The following STON1 variants were observed in gnomAD, a reference collection of about 807,000 sequenced individuals.
The protein encoded by STON1 is stonin-1.
A neutral mutation model predicts 60.9 loss-of-function variants in STON1; 79 were observed. The observed-to-expected ratio is 1.30, with a 90% CI of 1.08 to 1.56. The LOEUF (loss-of-function observed/expected upper bound fraction) is 1.56, where lower values mean the gene tolerates loss of function less well. Ranked by LOEUF, STON1 falls within the 40% of genes most tolerant of loss-of-function variation. STON1 has a pLI of 0.00. For missense variants in STON1, 1,166 were observed against 858.9 expected (o/e 1.36, Z -4.47); for synonymous variants, 363 against 306.9 (o/e 1.18, Z -1.91).
chr2:48,553,966 C>T (rs1482296662), intron 1 of STON1, among the ~76,000 whole-genome samples: 4 of 152,238 alleles, frequency 2.6e-5, no homozygotes, highest in Non-Finnish European at 5.9e-5. Flanking sequence ...GTGGGGACTT[C>T]ACCCAAAGGA....
chr2:48,533,933 C>A (rs6724593), intron 1 of STON1, among the ~76,000 whole-genome samples: 2,161 of 151,906 alleles, frequency 0.014, 61 homozygotes, highest in African/African-American at 0.05. Context: ...CCATGCCTGG[C>A]TAATTTTGTA....
At chr2:48,579,916 A>G (rs1172707452) in intron 1 of STON1, among the ~76,000 whole-genome samples, 2 of 151,960 alleles carry the variant, frequency 1.3e-5, no homozygotes. Flanking sequence ...ATAAATATAT[A>G]TATATTTTCA....
In STON1 at chr2:48,553,083, G is replaced by A. The variant is rs754955791; in HGVS notation, c.-48+22867G>A. On this transcript the variant is annotated intron_variant, in intron 1 of 3. Coordinates refer to ENST00000404752, the MANE Select transcript of STON1 (RefSeq NM_006873.4). ...TCTCAGACTCTGACAAGTCAGAAAC[G>A]GAAGCTTCTGGGTCATTTCAGGGGT... 3.3e-5 allele frequency among the ~76,000 whole-genome samples: 5 copies of A among 152,116 alleles called. No individual in the cohort carries two copies. The South Asian group carries it at 6.2e-4, about 19-fold the overall frequency.
chr2:48,532,883 A>G (rs938910302), intron 1 of STON1, among the ~76,000 whole-genome samples: 13 of 152,164 alleles, frequency 8.5e-5, no homozygotes, highest in Non-Finnish European at 1.9e-4. Context: ...ACCAGTGGAG[A>G]GCAAGGAAGG....
chr2:48,573,356 G>A (rs1405069990), intron 1 of STON1, among the ~76,000 whole-genome samples: 2 of 152,198 alleles, frequency 1.3e-5, no homozygotes, highest in South Asian at 4.1e-4. Context: ...AAATATCCCA[G>A]CACTAAAGCC....
chr2:48,573,601 A>G (rs1673328922), intron 1 of STON1, among the ~76,000 whole-genome samples: 1 of 152,348 alleles, frequency 6.6e-6, no homozygotes, highest in East Asian at 1.9e-4. Context: ...CTCTGGTGTC[A>G]TTAGAATAAT....
chr2:48,533,240 G>C (rs111648543), intron 1 of STON1, among the ~76,000 whole-genome samples: 1 of 151,994 alleles, frequency 6.6e-6, no homozygotes. Flanking sequence ...AAATTAGGTG[G>C]GCATGGTGGC....
rs376725798 is a variant in STON1, at chr2:48,581,585, C to G, written c.952C>G (p.Pro318Ala). The G allele has an allele frequency of 1.2e-4, 201 of 1,614,068 alleles. No homozygotes were observed. Among genetic ancestry groups the G allele is most frequent in the Non-Finnish European group, 1.7e-4 (195 of 1,180,044 alleles). Residue 318 changes from proline (P) to alanine (A), a missense_variant, in exon 2 of 4, where the codon CCA (proline) becomes GCA (alanine). Coordinates refer to ENST00000404752, the MANE Select transcript of STON1 (RefSeq NM_006873.4). ...QMYYEQGLEK[P>A]FKEIQLDPYC... ...GTATTATGAACAGGGATTAGAAAAA[C>G]CATTTAAAGAGATACAGCTTGATCC...
intron 1 of STON1, among the ~76,000 whole-genome samples, chr2:48,570,619 T>C (rs1487413988): frequency 6.6e-6 from 1 of 152,172 alleles, no homozygotes; most frequent in East Asian, 1.9e-4. Flanking sequence ...ATCCTTGTTA[T>C]TCCTGGTGTG....
intron 1 of STON1, among the ~76,000 whole-genome samples, chr2:48,570,157 A>T (rs1386801082): frequency 6.6e-6 from 1 of 152,200 alleles, no homozygotes; most frequent in Non-Finnish European, 1.5e-5. Context: ...CAACATGGCG[A>T]AACCCCATCT....
chr2:48,560,155 C>A (rs181794615), intron 1 of STON1, among the ~76,000 whole-genome samples: 4 of 152,158 alleles, frequency 2.6e-5, no homozygotes, highest in African/African-American at 9.7e-5. Context: ...TAAGACCTGG[C>A]GAGATCCTTT....
chr2:48,563,384 C>G (rs1672686774), intron 1 of STON1, among the ~76,000 whole-genome samples: 1 of 152,220 alleles, frequency 6.6e-6, no homozygotes, highest in Non-Finnish European at 1.5e-5. Context: ...GCTCTTTGGT[C>G]TGCTGTCTTG....
intron 3 of STON1, 107 bp downstream of exon 3, chr2:48,591,962 A>G (rs1674542249): frequency 6.2e-6 from 9 of 1,440,110 alleles, no homozygotes; most frequent in Non-Finnish European, 8.3e-6. Context: ...ATGTGTGGTG[A>G]GATTTGCCCT....
At chr2:48,555,355 C>T (rs1408248320) in intron 1 of STON1, among the ~76,000 whole-genome samples, 2 of 49,826 alleles carry the variant, frequency 4.0e-5, no homozygotes, top group African/African-American at 7.3e-5. Flanking sequence ...GATGGGGCGG[C>T]TGGCCGGGCA....
At chr2:48,562,017 C>T (rs563598158) in intron 1 of STON1, among the ~76,000 whole-genome samples, 2 of 152,144 alleles carry the variant, frequency 1.3e-5, no homozygotes, top group African/African-American at 2.4e-5. Flanking sequence ...TGCGCCACCA[C>T]GCCCAGCTAA....
chr2:48,595,258 G>A lies in STON1; in HGVS notation c.2164G>A (p.Asp722Asn), dbSNP rs749832371. 8.1e-6 allele frequency: 13 copies of A among 1,613,746 alleles called. No homozygotes were observed. Among genetic ancestry groups the A allele is most frequent in the South Asian group, 5.5e-5 (5 of 91,058 alleles). ...AATAGAAAAGAAGTGGATTAAAATC[G>A]ATGGAGAAGACCCAGATAAAATTGG... ...VEIEKKWIKI[D>N]GEDPDKIGDC... Residue 722 changes from aspartate to asparagine, a missense_variant, in exon 4 of 4, where the codon GAT (aspartate) becomes AAT (asparagine). By Grantham distance (23) the Asp-to-Asn change is conservative. Transcript: ENST00000404752.
At chr2:48,556,868 G>A (rs1672383843) in intron 1 of STON1, among the ~76,000 whole-genome samples, 1 of 31,910 alleles carries the variant, frequency 3.1e-5, no homozygotes. Flanking sequence ...TCTCCCTCCC[G>A]GACGGGGTGG....
At chr2:48,533,429 C>T (rs2103726982) in intron 1 of STON1, among the ~76,000 whole-genome samples, 1 of 151,730 alleles carries the variant, frequency 6.6e-6, no homozygotes, top group Admixed American at 6.6e-5. Context: ...TGGCTCATAC[C>T]TGTAATCCCA....
At position 48,564,480 on chromosome 2, in the gene STON1, T is replaced by TTCTTCTTTCTTC. The variant is rs1558604783; in HGVS notation, c.-47-16106_-47-16105insCTTCTTTCTTCT. On this transcript the variant is annotated intron_variant, in intron 1 of 3. Transcript: ENST00000404752. ...CTTCTTCTTCTTCTTCTTCTTCTTC[T>TTCTTCTTTCTTC]TTCTTCTTCTTCTTCTTCTTCTTCT... 1.8e-4 allele frequency among the ~76,000 whole-genome samples: 6 copies of TTCTTCTTTCTTC among 32,494 alleles called. 1 individual carries two copies. The highest frequency in any genetic ancestry group is 5.7e-4 in the Admixed American group (2 of 3,492). 21.3% of individuals were successfully genotyped at this position (32,494 alleles called of 152,430 possible).
Sources: allele counts gnomAD v4.1 joint callset (sites outside exome capture counted in the v4.1 genomes callset), GRCh38; gene constraint gnomAD v4.1.1; transcripts MANE v1.5; gene names NCBI Gene and HGNC (gene_info 2026-07-23, HGNC 2026-07-21).